ATF6: variants seen among roughly 807,000 people sequenced by gnomAD.
The protein encoded by ATF6 is cyclic AMP-dependent transcription factor ATF-6 alpha.
Under a neutral mutation model 83.6 loss-of-function variants are expected in ATF6, and 53 were observed. That is an observed-to-expected ratio of 0.63 (90% confidence interval 0.51 to 0.80). ATF6 has a LOEUF of 0.80. Ranked by LOEUF, ATF6 falls within the 30% of genes least tolerant of loss-of-function variation. The probability of loss-of-function intolerance (pLI) is 0.00; values close to 1 mark genes in which losing one functional copy is unlikely to be tolerated. For missense variants in ATF6, 744 were observed against 797.9 expected (o/e 0.93, Z 0.81); for synonymous variants, 288 against 285.8 (o/e 1.01, Z -0.08).
intron 4 of ATF6, among the ~76,000 whole-genome samples, chr1:161,788,074 T>C (rs779907007): frequency 1.3e-5 from 2 of 152,186 alleles, no homozygotes; most frequent in Non-Finnish European, 2.9e-5. Context: ...TCCTTTAGAA[T>C]ATATGCCTAG....
chr1:161,885,424 G>A (rs1687400332), intron 14 of ATF6, among the ~76,000 whole-genome samples: 1 of 152,046 alleles, frequency 6.6e-6, no homozygotes, highest in African/African-American at 2.4e-5. Context: ...TTAGAACTAA[G>A]TAATACTGTA....
chr1:161,853,322 A>G lies in ATF6; in HGVS notation c.1532A>G (p.Gln511Arg), dbSNP rs762860439. The G allele has an allele frequency of 8.1e-6, 13 of 1,608,816 alleles. No homozygotes were observed. Among genetic ancestry groups the G allele is most frequent in the Middle Eastern group, 1.6e-4 (1 of 6,072 alleles). ...AATCAACAGAAAACCCGTATTCTTC[A>G]GGTATGTTTCTGTTTGTCTTTGAAC... is the stretch of plus-strand genomic sequence containing the variant. Reference protein sequence around the residue: ...TNNQQKTRILQGALEQGSNSQ... With the variant: ...TNNQQKTRILRGALEQGSNSQ... Residue 511 changes from glutamine to arginine, a missense_variant and splice_region_variant, in exon 12 of 16, where the codon CAG becomes CGG. By Grantham distance (43) the Gln-to-Arg change is conservative. Transcript: ENST00000367942.
chr1:161,826,588 G>T (rs1685906476), intron 9 of ATF6, among the ~76,000 whole-genome samples: 1 of 152,156 alleles, frequency 6.6e-6, no homozygotes, highest in African/African-American at 2.4e-5. Context: ...CGAAGAAGTA[G>T]TGGGAATATT....
At chr1:161,809,265 A>G (rs575544458) in intron 7 of ATF6, among the ~76,000 whole-genome samples, 4 of 152,060 alleles carry the variant, frequency 2.6e-5, no homozygotes, top group East Asian at 1.9e-4. Context: ...TCATTGTTCA[A>G]TTCCCACCTA....
chr1:161,773,202 C>T (rs1684433777), intron 1 of ATF6, among the ~76,000 whole-genome samples: 2 of 150,060 alleles, frequency 1.3e-5, no homozygotes, highest in Non-Finnish European at 2.9e-5. Flanking sequence ...GTGGCTCACT[C>T]GGCTCACTGC....
chr1:161,868,480 C>T (rs1429396779), intron 14 of ATF6, among the ~76,000 whole-genome samples: 1 of 152,076 alleles, frequency 6.6e-6, no homozygotes, highest in East Asian at 1.9e-4. Context: ...GGCCCATCTT[C>T]TCATCTATAT....
At chr1:161,930,347 T>A (rs1252875292) in intron 15 of ATF6, among the ~76,000 whole-genome samples, 1 of 152,228 alleles carries the variant, frequency 6.6e-6, no homozygotes, top group Non-Finnish European at 1.5e-5. Flanking sequence ...TTGTCATCAT[T>A]ATTTTTGGCT....
intron 4 of ATF6, among the ~76,000 whole-genome samples, chr1:161,784,443 G>T (rs1684702150): frequency 6.6e-6 from 1 of 152,144 alleles, no homozygotes. Flanking sequence ...GGACATAGAA[G>T]AATGTAAGAT....
At position 161,963,604 on chromosome 1, in the gene ATF6, T is replaced by C. The variant is rs1055250036; in HGVS notation, c.*4950T>C. The C allele has an allele frequency of 1.3e-5, 2 of 152,206 alleles. No individual in the cohort carries two copies. Among genetic ancestry groups the C allele is most frequent in the Non-Finnish European group, 2.9e-5 (2 of 68,028 alleles). 9.4% of individuals were successfully genotyped at this position (152,206 alleles called of 1,614,324 possible). A position where few individuals can be genotyped will look rare whatever the true frequency, so the allele number is the denominator to read the frequency against. On this transcript the variant is annotated 3_prime_UTR_variant, in exon 16 of 16. Transcript: ENST00000367942. ...ATATCCCCTTTATGTTAATCCCAGC[T>C]AGAGATTAGTAGGTTGACTTTCACA...
intron 5 of ATF6, 41 bp downstream of exon 5, chr1:161,791,578 AT>A: frequency 1.3e-6 from 2 of 1,555,894 alleles, no homozygotes; most frequent in Non-Finnish European, 1.7e-6. Flanking sequence ...TCTATTTCAG[AT>A]TGAGCTTAGG....
At chr1:161,789,456 A>T (rs1357957210) in intron 4 of ATF6, among the ~76,000 whole-genome samples, 1 of 151,072 alleles carries the variant, frequency 6.6e-6, no homozygotes, top group Non-Finnish European at 1.5e-5. Context: ...ATTTTTTATT[A>T]TGTTTTCTAA....
At chr1:161,891,249 A>G (rs1453216114) in intron 14 of ATF6, 1 of 152,516 alleles carries the variant, frequency 6.6e-6, no homozygotes. Context: ...TCTGCGGAGC[A>G]ACCAGCATCT....
At chr1:161,905,024 C>T (rs980366712) in intron 14 of ATF6, among the ~76,000 whole-genome samples, 1 of 152,132 alleles carries the variant, frequency 6.6e-6, no homozygotes, top group African/African-American at 2.4e-5. Context: ...TATGTGACGC[C>T]AACATCAAAA....
chr1:161,802,880 C>T (rs1685190514), intron 7 of ATF6, among the ~76,000 whole-genome samples: 2 of 152,168 alleles, frequency 1.3e-5, no homozygotes, highest in South Asian at 4.1e-4. Flanking sequence ...CTGTCACTCT[C>T]TAAAGCCAGT....
At chr1:161,883,796 T>G (rs1229728187) in intron 14 of ATF6, among the ~76,000 whole-genome samples, 1 of 152,026 alleles carries the variant, frequency 6.6e-6, no homozygotes, top group East Asian at 1.9e-4. Context: ...ATTTCTCATT[T>G]TCAGATGAAG....
intron 9 of ATF6, among the ~76,000 whole-genome samples, chr1:161,839,445 T>C (rs554547905): frequency 3.9e-5 from 6 of 152,264 alleles, no homozygotes; most frequent in South Asian, 4.1e-4. Context: ...TCACTCAGCC[T>C]TGACCTCCTG....
chr1:161,828,810 C>T (rs1042415505), intron 9 of ATF6, among the ~76,000 whole-genome samples: 10 of 152,092 alleles, frequency 6.6e-5, no homozygotes, highest in Admixed American at 6.5e-4. Flanking sequence ...CCTGTAGGCA[C>T]CTGAGGGAAT....
intron 14 of ATF6, among the ~76,000 whole-genome samples, chr1:161,901,012 A>G (rs1340402339): frequency 3.9e-5 from 6 of 152,168 alleles, no homozygotes; most frequent in Admixed American, 3.9e-4. Flanking sequence ...TAGTAGATAG[A>G]TCACTGTGTT....
chr1:161,801,642 G>A (rs1685151983), intron 6 of ATF6, among the ~76,000 whole-genome samples: 1 of 151,934 alleles, frequency 6.6e-6, no homozygotes, highest in Admixed American at 6.6e-5. Context: ...GTATGCATTT[G>A]TAAATCCTAT....
Sources: allele counts gnomAD v4.1 joint callset (sites outside exome capture counted in the v4.1 genomes callset), GRCh38; gene constraint gnomAD v4.1.1; transcripts MANE v1.5; gene names NCBI Gene and HGNC (gene_info 2026-07-23, HGNC 2026-07-21).